The following CNBD1 variants were observed in gnomAD, a reference collection of about 807,000 sequenced individuals.
The protein encoded by CNBD1 is cyclic nucleotide-binding domain-containing protein 1.
CNBD1 carries 71 observed loss-of-function variants against 54.4 expected under a neutral mutation model. The ratio of observed to expected loss-of-function variants is 1.30; its 90% CI spans 1.08 to 1.59. CNBD1 has a LOEUF of 1.59. Among genes scored for constraint, CNBD1 ranks in the 40% most tolerant of loss-of-function variants. CNBD1 has a pLI of 0.00. For synonymous variants in CNBD1, 182 were observed against 170.7 expected, an observed-to-expected ratio of 1.07 and a Z score of -0.51; for missense variants, 659 against 518.0, an observed-to-expected ratio of 1.27 and a Z score of -2.64.
At chr8:86,926,326 T>C (rs1220377318) in intron 3 of CNBD1, among the ~76,000 whole-genome samples, 23 of 152,118 alleles carry the variant, frequency 1.5e-4, no homozygotes, top group Admixed American at 1.4e-3. Flanking sequence ...GGGAACTCTT[T>C]AGACCAGTCA....
intron 4 of CNBD1, among the ~76,000 whole-genome samples, chr8:87,047,813 A>T (rs1278801960): frequency 2.0e-5 from 3 of 152,194 alleles, no homozygotes; most frequent in African/African-American, 7.2e-5. Flanking sequence ...CCCCCTATAA[A>T]TTTGCATCAA....
intron 2 of CNBD1, among the ~76,000 whole-genome samples, chr8:86,890,995 C>T (rs907651261): frequency 6.6e-6 from 1 of 151,188 alleles, no homozygotes; most frequent in African/African-American, 2.4e-5. Context: ...ATATTAATTC[C>T]TTATTTGATA....
chr8:86,919,489 C>A (rs1809238439), intron 3 of CNBD1, among the ~76,000 whole-genome samples: 1 of 152,122 alleles, frequency 6.6e-6, no homozygotes, highest in African/African-American at 2.4e-5. Context: ...GCCTTTATAG[C>A]ACGATTCAAT....
intron 4 of CNBD1, among the ~76,000 whole-genome samples, chr8:87,006,397 G>T (rs577847807): frequency 1.4e-4 from 21 of 152,054 alleles, no homozygotes; most frequent in Non-Finnish European, 2.8e-4. Flanking sequence ...GGCCATTTTT[G>T]CATTACTATA....
At position 87,200,825 on chromosome 8, in the gene CNBD1, C is replaced by G. The variant is rs79059466; in HGVS notation, c.432-5168C>G. On this transcript the variant is annotated intron_variant, in intron 4 of 10. Transcript: ENST00000518476. ...GGTTTCACTGGTAATTTCTGCCAAA[C>G]TCTTAAGGAACTAAAAACAATTCTT... Among the ~76,000 whole-genome samples, 1,299 of 152,188 alleles carry G rather than the reference C, an allele frequency of 8.5e-3. 29 individuals carry two copies. The highest frequency in any genetic ancestry group is 0.025 in the African/African-American group (1,020 of 41,544).
chr8:86,873,443 T>C (rs1808470477), intron 1 of CNBD1, among the ~76,000 whole-genome samples: 1 of 151,912 alleles, frequency 6.6e-6, no homozygotes. Context: ...TGTGGAGAAT[T>C]GACATATTTA....
chr8:87,121,697 T>C (rs1811893789), intron 4 of CNBD1, among the ~76,000 whole-genome samples: 1 of 151,798 alleles, frequency 6.6e-6, no homozygotes, highest in African/African-American at 2.4e-5. Context: ...TCTTGGTAAC[T>C]ACCATTCTAT....
At chr8:86,886,901 C>T (rs1808688436) in intron 1 of CNBD1, among the ~76,000 whole-genome samples, 1 of 152,130 alleles carries the variant, frequency 6.6e-6, no homozygotes, top group East Asian at 1.9e-4. Flanking sequence ...TCCTTTCCAT[C>T]TAATTTGAAG....
chr8:87,065,783 C>G (rs562175486), intron 4 of CNBD1, among the ~76,000 whole-genome samples: 15 of 151,922 alleles, frequency 9.9e-5, no homozygotes, highest in African/African-American at 1.4e-4. Flanking sequence ...TTTCTACCAG[C>G]CTTAGGAGAA....
chr8:86,957,282 A>C (rs1231809800), intron 4 of CNBD1, among the ~76,000 whole-genome samples: 1 of 152,112 alleles, frequency 6.6e-6, no homozygotes, highest in African/African-American at 2.4e-5. Context: ...TATTGATCTA[A>C]AATTATGTTT....
intron 4 of CNBD1, among the ~76,000 whole-genome samples, chr8:87,160,976 G>T (rs1396419497): frequency 6.6e-6 from 1 of 152,002 alleles, no homozygotes; most frequent in Non-Finnish European, 1.5e-5. Context: ...TAACAAAAAG[G>T]TCTTAAAATG....
At chr8:87,240,137 A>G (rs1452442560) in intron 6 of CNBD1, among the ~76,000 whole-genome samples, 2 of 151,818 alleles carry the variant, frequency 1.3e-5, no homozygotes, top group South Asian at 2.1e-4. Context: ...TTTCATATTT[A>G]TATACTTCTA....
intron 2 of CNBD1, among the ~76,000 whole-genome samples, chr8:87,427,303 C>G (rs964767593): frequency 1.3e-5 from 2 of 152,062 alleles, no homozygotes; most frequent in Non-Finnish European, 2.9e-5. Context: ...AAAATTGTTT[C>G]ACTGCTTTTA....
At chr8:87,255,953 C>T (rs1270661962) in intron 6 of CNBD1, among the ~76,000 whole-genome samples, 2 of 109,900 alleles carry the variant, frequency 1.8e-5, no homozygotes, top group Admixed American at 1.1e-4. Context: ...ATAAAATACT[C>T]ATATGATTTG....
At chr8:87,208,153 G>A (rs1266162293) in intron 5 of CNBD1, among the ~76,000 whole-genome samples, 2 of 151,898 alleles carry the variant, frequency 1.3e-5, no homozygotes, top group African/African-American at 4.8e-5. Context: ...CATTTCTCTG[G>A]TGCAATTCCA....
intron 8 of CNBD1, among the ~76,000 whole-genome samples, chr8:87,343,448 A>T (rs1810108714): frequency 6.6e-6 from 1 of 152,218 alleles, no homozygotes. Flanking sequence ...AATGTCCATG[A>T]AATCTTCACA....
intron 4 of CNBD1, among the ~76,000 whole-genome samples, chr8:87,038,458 G>T (rs1395800031): frequency 6.6e-6 from 1 of 152,094 alleles, no homozygotes; most frequent in Non-Finnish European, 1.5e-5. Flanking sequence ...TCCTCTTCTG[G>T]ATGGGGCCAC....
At chr8:87,386,931 G>A (rs1216689393), downstream of CNBD1, among the ~76,000 whole-genome samples, 1 of 152,220 alleles carries the variant, frequency 6.6e-6, no homozygotes. Flanking sequence ...CTGCAAGCCA[G>A]AAGAGAGTGG....
chr8:86,988,401 G>T (rs1808659196), intron 4 of CNBD1, among the ~76,000 whole-genome samples: 1 of 151,808 alleles, frequency 6.6e-6, no homozygotes, highest in Admixed American at 6.6e-5. Flanking sequence ...TGGGTACATG[G>T]TGTATATATT....
Sources: gnomAD v4.1 joint callset for allele counts (sites outside exome capture counted in the v4.1 genomes callset) on GRCh38, gnomAD v4.1.1 for gene constraint, MANE v1.5 for transcripts, NCBI Gene and HGNC (gene_info 2026-07-23, HGNC 2026-07-21) for gene names.